The following TMEM268 variants were observed in gnomAD, a reference collection of about 807,000 sequenced individuals.
The protein encoded by TMEM268 is transmembrane protein C9orf91.
Under a neutral mutation model 39.1 loss-of-function variants are expected in TMEM268, and 24 were observed. The ratio of observed to expected loss-of-function variants is 0.61; its 90% CI spans 0.44 to 0.86. The LOEUF (loss-of-function observed/expected upper bound fraction) is 0.86. Ranked by LOEUF, TMEM268 falls within the 40% of genes least tolerant of loss-of-function variation. The pLI is 0.00. For missense variants in TMEM268, 409 were observed against 428.6 expected (o/e 0.95, Z 0.40); for synonymous variants, 176 against 173.5 (o/e 1.01, Z -0.12).
chr9:114,623,702 G>A (rs148579069), intron 2 of TMEM268, among the ~76,000 whole-genome samples: 2 of 152,206 alleles, frequency 1.3e-5, no homozygotes, highest in Non-Finnish European at 2.9e-5. Context: ...CTTCTGTCCC[G>A]CTTTTCCACG....
At chr9:114,622,399 C>T (rs952362399) in intron 2 of TMEM268, 22 of 985,264 alleles carry the variant, frequency 2.2e-5, no homozygotes, top group Middle Eastern at 5.2e-4. Flanking sequence ...TCCCACCCCC[C>T]AGACCTCCTG....
At position 114,642,989 on chromosome 9, in the gene TMEM268, G is replaced by A. The variant is rs1827420469; in HGVS notation, c.850-145G>A. On this transcript the variant is annotated intron_variant, in intron 8 of 8. Coordinates refer to ENST00000288502, the MANE Select transcript of TMEM268 (RefSeq NM_153045.4). Reference sequence around the variant, plus strand: ...GGCTGGCATCTTCTGAGAGTCCTAGGTGCTGACCTGGCCTGGTTCTTCCTA... The same window carrying A: ...GGCTGGCATCTTCTGAGAGTCCTAGATGCTGACCTGGCCTGGTTCTTCCTA... The A allele has an allele frequency of 4.0e-6, 3 of 758,580 alleles. No homozygotes were observed. The South Asian group carries it at 5.4e-5, about 14-fold the overall frequency. 47.0% of individuals were successfully genotyped at this position (758,580 alleles called of 1,614,324 possible). A position where few individuals can be genotyped will look rare whatever the true frequency, so the allele number is the denominator to read the frequency against.
chr9:114,609,742 G>A (rs71505517), upstream of TMEM268, among the ~76,000 whole-genome samples: 34 of 123,756 alleles, frequency 2.7e-4, no homozygotes, highest in Admixed American at 6.5e-4. Context: ...AAGGAAGGAA[G>A]GAAAGAAAGA....
upstream of TMEM268, among the ~76,000 whole-genome samples, chr9:114,608,422 T>C (rs573005784): frequency 3.3e-5 from 5 of 152,254 alleles, no homozygotes; most frequent in South Asian, 2.1e-4. Flanking sequence ...CTGTCTTCTG[T>C]GCCTCCCTGG....
At chr9:114,626,820 C>T (rs1415006915) in intron 3 of TMEM268, 79 bp from the exon 4 acceptor site, 4 of 1,066,602 alleles carry the variant, frequency 3.8e-6, no homozygotes, top group South Asian at 2.7e-5. Context: ...TGCCTAATCC[C>T]CCTTCCACAT....
upstream of TMEM268, among the ~76,000 whole-genome samples, chr9:114,609,350 T>G (rs1845408089): frequency 6.7e-6 from 1 of 148,536 alleles, no homozygotes; most frequent in Non-Finnish European, 1.5e-5. Flanking sequence ...CAAACAAGCA[T>G]GTACATTCTG....
intron 1 of TMEM268, among the ~76,000 whole-genome samples, chr9:114,612,754 A>T (rs980254590): frequency 5.3e-5 from 8 of 152,014 alleles, no homozygotes. Context: ...CCCCACCCCA[A>T]CCAAGGTGCT....
chr9:114,606,312 G>C (rs1041520688), upstream of TMEM268, among the ~76,000 whole-genome samples: 11 of 152,236 alleles, frequency 7.2e-5, no homozygotes, highest in African/African-American at 2.4e-4. Context: ...TCTGACTTAG[G>C]CCCGGTTTCC....
At chr9:114,636,881 A>G (rs1034135880) in intron 6 of TMEM268, 109 bp from the exon 7 acceptor site, 1 of 692,170 alleles carries the variant, frequency 1.4e-6, no homozygotes, top group Admixed American at 2.2e-5. Flanking sequence ...ATGGTGCCAA[A>G]TGGCACCTTC....
chr9:114,610,060 A>G (rs1237282295), upstream of TMEM268, among the ~76,000 whole-genome samples: 1 of 148,630 alleles, frequency 6.7e-6, no homozygotes, highest in African/African-American at 2.5e-5. Context: ...TTTTTTTGAG[A>G]TGGAGTTTTG....
chr9:114,629,955 C>T (rs551447746), intron 5 of TMEM268, among the ~76,000 whole-genome samples: 74 of 152,290 alleles, frequency 4.9e-4, no homozygotes, highest in African/African-American at 1.7e-3. Context: ...TAAAACAAAT[C>T]GAGCTGGCTA....
chr9:114,606,360 C>G (rs1023242532), upstream of TMEM268, among the ~76,000 whole-genome samples: 1 of 152,188 alleles, frequency 6.6e-6, no homozygotes, highest in African/African-American at 2.4e-5. Flanking sequence ...TTCCAGCACA[C>G]CTCCTGCCAA....
At chr9:114,619,935 A>C (rs1374897411) in intron 2 of TMEM268, among the ~76,000 whole-genome samples, 1 of 151,886 alleles carries the variant, frequency 6.6e-6, no homozygotes, top group Non-Finnish European at 1.5e-5. Context: ...TAGGCTGGGC[A>C]TGGTGGCTCA....
intron 7 of TMEM268, among the ~76,000 whole-genome samples, chr9:114,638,235 T>A (rs1846727487): frequency 6.6e-6 from 1 of 152,162 alleles, no homozygotes; most frequent in Admixed American, 6.6e-5. Flanking sequence ...GGTGACTGGG[T>A]TTCACCATAT....
At chr9:114,609,135 C>T (rs1225110904), upstream of TMEM268, among the ~76,000 whole-genome samples, 2 of 151,986 alleles carry the variant, frequency 1.3e-5, no homozygotes, top group African/African-American at 2.4e-5. Flanking sequence ...CATGGTGAAA[C>T]CCCTGTCTCT....
upstream of TMEM268, among the ~76,000 whole-genome samples, chr9:114,609,280 C>T (rs1407686394): frequency 6.6e-6 from 1 of 151,886 alleles, no homozygotes; most frequent in Non-Finnish European, 1.5e-5. Context: ...CACTGCACTC[C>T]AGCCTGGGTG....
At chr9:114,623,192 C>T (rs764860081) in intron 2 of TMEM268, among the ~76,000 whole-genome samples, 1 of 151,972 alleles carries the variant, frequency 6.6e-6, no homozygotes, top group Non-Finnish European at 1.5e-5. Context: ...TTCTTGTTGC[C>T]CAGGCTGGAG....
chr9:114,618,831 G>A (rs905573650), intron 2 of TMEM268, among the ~76,000 whole-genome samples: 1 of 152,184 alleles, frequency 6.6e-6, no homozygotes, highest in Non-Finnish European at 1.5e-5. Context: ...TGTATAAAGT[G>A]TTGAAGTCTG....
chr9:114,617,254 CT>C lies in TMEM268; in HGVS notation c.60del (p.Gly21AlafsTer71), dbSNP rs1258908519. ...ACTGGCCCATTGCCCCCCTCCTCCC[CT>C]GGCTGGAGTGCCCTGCCTGGAGGGA... is the stretch of plus-strand genomic sequence containing the variant. ...GATGPLPPSSPGWSALPGGSP... is the reference protein window; with the variant it reads ...GATGPLPPSSXGWSALPGGSP... On this transcript the variant is annotated frameshift_variant, in exon 2 of 9. Coordinates refer to ENST00000288502, the MANE Select transcript of TMEM268 (RefSeq NM_153045.4). LOFTEE classifies it high-confidence loss of function. The C allele has an allele frequency of 6.2e-7, 1 of 1,613,504 alleles. No homozygotes were observed. Among genetic ancestry groups the C allele is most frequent in the African/African-American group, 1.3e-5 (1 of 75,010 alleles).
Sources: gnomAD v4.1 joint callset for allele counts (sites outside exome capture counted in the v4.1 genomes callset) on GRCh38, gnomAD v4.1.1 for gene constraint, MANE v1.5 for transcripts, NCBI Gene and HGNC (gene_info 2026-07-23, HGNC 2026-07-21) for gene names.